Variants in TFAP2E observed in about 807,000 individuals in gnomAD.
TFAP2E encodes transcription factor AP-2-epsilon.
Under a neutral mutation model 37.9 loss-of-function variants are expected in TFAP2E, and 30 were observed. The observed-to-expected ratio is 0.79, with a 90% CI of 0.59 to 1.07. TFAP2E has a LOEUF of 1.07. TFAP2E is among the 50% of genes least tolerant of loss of function. TFAP2E has a pLI of 0.00. For missense variants in TFAP2E, 567 were observed against 637.9 expected (o/e 0.89, Z 1.20); for synonymous variants, 318 against 295.8 (o/e 1.08, Z -0.77).
chr1:35,578,688 G>C (rs1649254843), intron 3 of TFAP2E, among the ~76,000 whole-genome samples: 1 of 152,122 alleles, frequency 6.6e-6, no homozygotes, highest in Non-Finnish European at 1.5e-5. Flanking sequence ...GAGGGAGCTG[G>C]GGAGGGTCTC....
In TFAP2E at chr1:35,576,727, C is replaced by A. The variant is rs149924528; in HGVS notation, c.562+1727C>A. Among the ~76,000 whole-genome samples, 358 of 152,350 alleles carry A rather than the reference C, an allele frequency of 2.3e-3. 2 individuals are homozygous for A. Among genetic ancestry groups the A allele is most frequent in the African/African-American group, 8.2e-3 (340 of 41,580 alleles). ...GACTGGATGCGAGGCCCTCCCAGAG[C>A]TGGTTTCTCTCAAACAACTTCCAAA... On this transcript the variant is annotated intron_variant, in intron 3 of 6. Coordinates refer to ENST00000373235, the MANE Select transcript of TFAP2E (RefSeq NM_178548.4).
chr1:35,579,171 G>A (rs1209637927), intron 3 of TFAP2E, among the ~76,000 whole-genome samples: 1 of 149,810 alleles, frequency 6.7e-6, no homozygotes, highest in Non-Finnish European at 1.5e-5. Context: ...CGAGGCGGGT[G>A]GATCACCTGA....
Position 35,574,412 on chromosome 1 carries a change from G to A in TFAP2E, c.510+3G>A, listed in dbSNP as rs1177951873. 5 of 1,417,710 alleles carry A rather than the reference G, an allele frequency of 3.5e-6. 1 individual carries two copies. 87.8% of individuals were successfully genotyped at this position (1,417,710 alleles called of 1,614,324 possible). On this transcript the variant is annotated splice_donor_region_variant and intron_variant, in intron 2 of 6. Coordinates refer to ENST00000373235, the MANE Select transcript of TFAP2E (RefSeq NM_178548.4). ...CCCCCGGTCTGGAGGACCTGCAGGT[G>A]AGACCCGAGGGATCCGGGATGGGTC...
chr1:35,573,576 C>G lies in TFAP2E; in HGVS notation c.-2C>G. ...CGCCTCGCGCCCGGCACTCACCGCC[C>G]CATGCTGGTGCACACCTACTCCGCC... On this transcript the variant is annotated 5_prime_UTR_variant, in exon 1 of 7. Coordinates refer to ENST00000373235, the MANE Select transcript of TFAP2E (RefSeq NM_178548.4). The surrounding 1 kb of genome is among the most constrained non-coding windows in gnomAD (Gnocchi z 5.9). The G allele has an allele frequency of 6.5e-7, 1 of 1,533,056 alleles. No homozygotes were observed. Among genetic ancestry groups the G allele is most frequent in the Non-Finnish European group, 8.8e-7 (1 of 1,140,556 alleles). The allele number at this position is 1,533,056 out of a possible 1,614,324, so 95.0% of individuals were successfully genotyped here.
chr1:35,573,924 C>T lies in TFAP2E; in HGVS notation c.28-3C>T. The T allele has an allele frequency of 6.9e-7, 1 of 1,453,724 alleles. No homozygotes were observed. The allele number at this position is 1,453,724 out of a possible 1,614,324, so 90.1% of individuals were successfully genotyped here. On this transcript the variant is annotated splice_region_variant and splice_polypyrimidine_tract_variant and intron_variant, in intron 1 of 6. Coordinates refer to ENST00000373235, the MANE Select transcript of TFAP2E (RefSeq NM_178548.4). The surrounding 1 kb of genome is among the most constrained non-coding windows in gnomAD (Gnocchi z 5.9). ...CACCTAAGGCACCCCTCTCCTTCCC[C>T]AGGAGCGCCCCGACGGGCTGGGAGC...
rs1233780008 is a variant in TFAP2E, at chr1:35,589,984, G to T, written c.840G>T (p.Gly280=). Residue 280 remains glycine, a synonymous_variant, in exon 5 of 7, where the codon GGG becomes GGT. Transcript: ENST00000373235. ...TGCGGGAACGGTTAGAGAAGATTGG[G>T]CTCAACCTGCCAGCTGGCCGTCGCA... is the stretch of plus-strand genomic sequence containing the variant. The part of the protein sequence containing the change: ...RCLRERLEKI[G]LNLPAGRRKA... The T allele has an allele frequency of 6.2e-7, 1 of 1,614,132 alleles. No homozygotes were observed. Among genetic ancestry groups the T allele is most frequent in the Non-Finnish European group, 8.5e-7 (1 of 1,179,988 alleles).
chr1:35,585,957 G>A (rs925987042), intron 3 of TFAP2E, among the ~76,000 whole-genome samples: 1 of 152,154 alleles, frequency 6.6e-6, no homozygotes, highest in Non-Finnish European at 1.5e-5. Context: ...GCTGAGGTGG[G>A]AGGATTGCTT....
rs529546476 is a variant in TFAP2E at position 35,584,583 on chromosome 1, T to C, written c.563-3747T>C. ...TTTTGTTTTTGAGACAGGGTCTCAC[T>C]GTGCCACCCAGGCTGGCATGGTCAG... On this transcript the variant is annotated intron_variant, in intron 3 of 6. Transcript: ENST00000373235. 2.0e-5 allele frequency among the ~76,000 whole-genome samples: 3 copies of C among 152,276 alleles called. No homozygotes were observed. The East Asian group carries it at 5.8e-4, about 29-fold the overall frequency.
rs1649561613 is a variant in TFAP2E, at chr1:35,588,654, C to T, written c.785+102C>T. The T allele has an allele frequency of 1.6e-6, 2 of 1,224,190 alleles. No individual in the cohort carries two copies. The highest frequency in any genetic ancestry group is 1.7e-5 in the South Asian group (1 of 58,642). The allele number at this position is 1,224,190 out of a possible 1,614,324, so 75.8% of individuals were successfully genotyped here. A position where few individuals can be genotyped will look rare whatever the true frequency, so the allele number is the denominator to read the frequency against. Reference sequence around the variant, plus strand: ...AGGCCAGTCTCACCTAGGCCCTCTGCCTCAGTCTCCCTGGGAGGGGAGGCC... The same window carrying T: ...AGGCCAGTCTCACCTAGGCCCTCTGTCTCAGTCTCCCTGGGAGGGGAGGCC... On this transcript the variant is annotated intron_variant, in intron 4 of 6. Transcript: ENST00000373235. The surrounding 1 kb of genome is among the most constrained non-coding windows in gnomAD (Gnocchi z 5.1).
At chr1:35,574,855 C>T (rs927536532) in intron 2 of TFAP2E, 94 bp from the exon 3 acceptor site, 3 of 1,563,028 alleles carry the variant, frequency 1.9e-6, no homozygotes, top group African/African-American at 1.4e-5. Context: ...GCGCCTTGGG[C>T]GGAGCAGACA....
chr1:35,582,390 C>T (rs890299142), intron 3 of TFAP2E, among the ~76,000 whole-genome samples: 4 of 151,718 alleles, frequency 2.6e-5, no homozygotes, highest in Non-Finnish European at 4.4e-5. Flanking sequence ...ATAATATATT[C>T]TGAATACAGT....
chr1:35,586,294 A>G lies in TFAP2E; in HGVS notation c.563-2036A>G, dbSNP rs868336478. ...TGCCCCTTACTTGCTGTCCCACTTT[A>G]ACCTCTTTGAACTTTCAGCACCTGG... is the stretch of plus-strand genomic sequence containing the variant. On this transcript the variant is annotated intron_variant, in intron 3 of 6. Coordinates refer to ENST00000373235, the MANE Select transcript of TFAP2E (RefSeq NM_178548.4). Among the ~76,000 whole-genome samples, 5 of 152,212 alleles carry G rather than the reference A, an allele frequency of 3.3e-5. No homozygotes were observed. The South Asian group carries it at 1.0e-3, about 31-fold the overall frequency.
intron 3 of TFAP2E, among the ~76,000 whole-genome samples, chr1:35,586,877 G>A (rs1337739325): frequency 1.3e-5 from 2 of 152,208 alleles, no homozygotes; most frequent in Admixed American, 1.3e-4. Context: ...GCATGAAAGT[G>A]CTCAGCCAAT....
At chr1:35,579,662 TG>T (rs1458989310) in intron 3 of TFAP2E, among the ~76,000 whole-genome samples, 1 of 152,038 alleles carries the variant, frequency 6.6e-6, no homozygotes, top group African/African-American at 2.4e-5. Flanking sequence ...CCCAAAGTGC[TG>T]GGATTACAGG....
rs890815148 is a variant in TFAP2E, at chr1:35,577,418, C to A, written c.562+2418C>A. The A allele has an allele frequency of 2.2e-6, 1 of 456,800 alleles. No individual in the cohort carries two copies. The highest frequency in any genetic ancestry group is 4.4e-6 in the Non-Finnish European group (1 of 226,984). The allele number at this position is 456,800 out of a possible 1,614,324, so 28.3% of individuals were successfully genotyped here. A position where few individuals can be genotyped will look rare whatever the true frequency, so the allele number is the denominator to read the frequency against. On this transcript the variant is annotated intron_variant, in intron 3 of 6. Coordinates refer to ENST00000373235, the MANE Select transcript of TFAP2E (RefSeq NM_178548.4). This position sits in a 1 kb window ranked among gnomAD's most constrained non-coding sequence, Gnocchi z 6.3. ...TTCGTCCTCGGCCCTTCCGACGGCA[C>A]GAGGAACTCCTGTCCTGCCCCACAG...
chr1:35,582,618 C>T (rs1462032335), intron 3 of TFAP2E, among the ~76,000 whole-genome samples: 2 of 150,076 alleles, frequency 1.3e-5, no homozygotes, highest in South Asian at 4.2e-4. Context: ...GCTAGGGTTA[C>T]AGGAGTGAGC....
chr1:35,589,548 G>A (rs771352459), intron 4 of TFAP2E, among the ~76,000 whole-genome samples: 3 of 151,952 alleles, frequency 2.0e-5, no homozygotes, highest in Non-Finnish European at 4.4e-5. Context: ...GTGTACCTGT[G>A]TCTCCCCATG....
chr1:35,577,561 G>A lies in TFAP2E; in HGVS notation c.562+2561G>A, dbSNP rs1649216598. ...ATCCCTACAGTGCCTCCCAGCCTGG[G>A]CGGGAGCGGCGGCTGCGTCGCTGAA... is the stretch of plus-strand genomic sequence containing the variant. On this transcript the variant is annotated intron_variant, in intron 3 of 6. Coordinates refer to ENST00000373235, the MANE Select transcript of TFAP2E (RefSeq NM_178548.4). This position sits in a 1 kb window ranked among gnomAD's most constrained non-coding sequence, Gnocchi z 6.3. The A allele has an allele frequency of 2.6e-6, 1 of 390,450 alleles. No individual in the cohort carries two copies. The highest frequency in any genetic ancestry group is 1.7e-5 in the South Asian group (1 of 57,962). 24.2% of individuals were successfully genotyped at this position (390,450 alleles called of 1,614,324 possible). A position where few individuals can be genotyped will look rare whatever the true frequency, so the allele number is the denominator to read the frequency against.
In TFAP2E at chr1:35,577,185, T is replaced by C. The variant is rs1016237408; in HGVS notation, c.562+2185T>C. 4 of 355,602 alleles carry C rather than the reference T, an allele frequency of 1.1e-5. No individual in the cohort carries two copies. The highest frequency in any genetic ancestry group is 2.2e-5 in the Non-Finnish European group (4 of 178,704). The allele number at this position is 355,602 out of a possible 1,614,324, so 22.0% of individuals were successfully genotyped here. A position where few individuals can be genotyped will look rare whatever the true frequency, so the allele number is the denominator to read the frequency against. ...GGAAGGGGCAGGAGCCGGGCACAGTTGGATCCGGAGGTCGTGACCCAGGGG... is the reference window on the plus strand; with the variant it reads ...GGAAGGGGCAGGAGCCGGGCACAGTCGGATCCGGAGGTCGTGACCCAGGGG... On this transcript the variant is annotated intron_variant, in intron 3 of 6. Transcript: ENST00000373235. This position sits in a 1 kb window ranked among gnomAD's most constrained non-coding sequence, Gnocchi z 6.3.
Sources: allele counts gnomAD v4.1 joint callset (sites outside exome capture counted in the v4.1 genomes callset), GRCh38; gene constraint gnomAD v4.1.1; non-coding constraint Gnocchi (gnomAD v3.1); transcripts MANE v1.5; gene names NCBI Gene and HGNC (gene_info 2026-07-23, HGNC 2026-07-21).